Variants in MAN2B2 observed in about 807,000 individuals in gnomAD.
MAN2B2 encodes the protein mannosidase alpha class 2B member 2.
A neutral mutation model predicts 117.1 loss-of-function variants in MAN2B2; 106 were observed. The observed-to-expected ratio is 0.90, with a 90% CI of 0.77 to 1.06. The LOEUF (loss-of-function observed/expected upper bound fraction) is 1.06, where lower values mean the gene tolerates loss of function less well. Ranked by LOEUF, MAN2B2 falls within the 50% of genes least tolerant of loss-of-function variation. The pLI is 0.00. For missense variants in MAN2B2, 1,326 were observed against 1,381.4 expected (o/e 0.96, Z 0.64); for synonymous variants, 544 against 595.1 (o/e 0.91, Z 1.25).
Position 6,593,285 on chromosome 4 carries a change from G to A in MAN2B2, c.793G>A (p.Ala265Thr). ...TPANINLYAE[A>T]LVANVKQRAA... ...AGCCAACATCAACCTCTATGCCGAG[G>A]CCCTGGTGGCCAACGTGAAGCAGAG... is the stretch of plus-strand genomic sequence containing the variant. The change falls in exon 6 of 19, where the codon GCC (alanine) becomes ACC (threonine). Residue 265 changes from alanine to threonine, a missense_variant. Transcript: ENST00000285599. 2 of 1,613,982 alleles carry A rather than the reference G, an allele frequency of 1.2e-6. No individual in the cohort carries two copies. Among genetic ancestry groups the A allele is most frequent in the Non-Finnish European group, 1.7e-6 (2 of 1,179,950 alleles).
intron 16 of MAN2B2, among the ~76,000 whole-genome samples, chr4:6,616,196 C>T (rs1223880565): frequency 6.6e-6 from 1 of 152,152 alleles, no homozygotes; most frequent in Non-Finnish European, 1.5e-5. Flanking sequence ...TGAGGTTCTA[C>T]CAGCCAGGGT....
At chr4:6,599,306 A>C (rs993866441) in intron 9 of MAN2B2, among the ~76,000 whole-genome samples, 1 of 151,898 alleles carries the variant, frequency 6.6e-6, no homozygotes, top group Non-Finnish European at 1.5e-5. Context: ...GGGTCTCACC[A>C]TGTTGCCAGG....
chr4:6,616,039 G>A (rs910891332), intron 16 of MAN2B2, among the ~76,000 whole-genome samples: 2 of 152,146 alleles, frequency 1.3e-5, no homozygotes, highest in African/African-American at 2.4e-5. Flanking sequence ...CCTGACAGCA[G>A]GCAATCCGCC....
chr4:6,623,346 CAAAAA>C lies in MAN2B2; in HGVS notation c.*2073_*2077del, dbSNP rs10714839. 1 of 148,160 alleles carries C rather than the reference CAAAAA, an allele frequency of 6.7e-6. No individual in the cohort carries two copies. The highest frequency in any genetic ancestry group is 6.7e-5 in the Admixed American group (1 of 14,992). The allele number at this position is 148,160 out of a possible 1,614,324, so 9.2% of individuals were successfully genotyped here. A position where few individuals can be genotyped will look rare whatever the true frequency, so the allele number is the denominator to read the frequency against. ...GGGTGACAAGAGTGAGACTCCGTCT[CAAAAA>C]AAAAAAAAAAAGGAAGACTACGGAG... is the stretch of plus-strand genomic sequence containing the variant. On this transcript the variant is annotated 3_prime_UTR_variant, in exon 19 of 19. Coordinates refer to ENST00000285599, the MANE Select transcript of MAN2B2 (RefSeq NM_015274.3).
intron 3 of MAN2B2, among the ~76,000 whole-genome samples, chr4:6,584,029 T>C (rs1726541980): frequency 6.6e-6 from 1 of 152,238 alleles, no homozygotes; most frequent in Non-Finnish European, 1.5e-5. Context: ...CCCTGGCACC[T>C]GCATTCAATT....
intron 10 of MAN2B2, among the ~76,000 whole-genome samples, chr4:6,602,302 C>G (rs1727364654): frequency 6.6e-6 from 1 of 152,234 alleles, no homozygotes; most frequent in Admixed American, 6.5e-5. Flanking sequence ...ACATTTATTT[C>G]TCACAGTTCT....
chr4:6,587,305 T>G, intron 4 of MAN2B2, 137 bp downstream of exon 4: 1 of 1,056,816 alleles, frequency 9.5e-7, no homozygotes, highest in East Asian at 2.7e-5. Context: ...CGCGGGGCTG[T>G]CCCCTAACCT....
rs1727740538 is a variant in MAN2B2 at position 6,610,894 on chromosome 4, G to T, written c.2274G>T (p.Met758Ile). ...TCTGTCTGCAGAATTACTACCCCATGGTTCAGTCGGCCTTCATGGAGGATG... is the reference window on the plus strand; with the variant it reads ...TCTGTCTGCAGAATTACTACCCCATTGTTCAGTCGGCCTTCATGGAGGATG... ...NNSIARNYYP[M>I]VQSAFMEDGK... Residue 758 changes from methionine to isoleucine, a missense_variant, in exon 14 of 19, where the codon ATG becomes ATT. By Grantham distance (10) the Met-to-Ile change is conservative. Coordinates refer to ENST00000285599, the MANE Select transcript of MAN2B2 (RefSeq NM_015274.3). 1 of 1,614,070 alleles carries T rather than the reference G, an allele frequency of 6.2e-7. No homozygotes were observed.
chr4:6,605,836 C>T (rs1050446738), intron 11 of MAN2B2, among the ~76,000 whole-genome samples: 1 of 151,978 alleles, frequency 6.6e-6, no homozygotes, highest in Non-Finnish European at 1.5e-5. Context: ...ACCTACCCAC[C>T]CATTCATCAT....
rs149674807 is a variant in MAN2B2 at position 6,594,580 on chromosome 4, T to A, written c.905T>A (p.Met302Lys). 1,061 of 1,613,746 alleles carry A rather than the reference T, an allele frequency of 6.6e-4. No homozygotes were observed. Among genetic ancestry groups the A allele is most frequent in the Non-Finnish European group, 8.4e-4 (986 of 1,180,022 alleles). Reference protein sequence around the residue: ...FFNASVQFANMDPLLDHINSH... With the variant: ...FFNASVQFANKDPLLDHINSH... ...AATGCCTCGGTGCAGTTTGCCAACATGGACCCGCTGCTGGACCACATCAAC... is the reference window on the plus strand; with the variant it reads ...AATGCCTCGGTGCAGTTTGCCAACAAGGACCCGCTGCTGGACCACATCAAC... Residue 302 changes from methionine to lysine, a missense_variant, in exon 7 of 19, where the codon ATG becomes AAG. By Grantham distance (95) the Met-to-Lys change is moderately conservative. Transcript: ENST00000285599.
intron 4 of MAN2B2, among the ~76,000 whole-genome samples, chr4:6,588,752 T>C (rs527633566): frequency 6.6e-6 from 1 of 152,154 alleles, no homozygotes; most frequent in African/African-American, 2.4e-5. Flanking sequence ...TGGTGAGAAG[T>C]AATGAGCTTC....
In MAN2B2 at chr4:6,604,418, A is replaced by C. The variant is rs1727450061; in HGVS notation, c.1540-637A>C. 4.2e-5 allele frequency among the ~76,000 whole-genome samples: 2 copies of C among 47,700 alleles called. 1 individual carries two copies. The highest frequency in any genetic ancestry group is 1.5e-3 in the South Asian group (2 of 1,318). 31.3% of individuals were successfully genotyped at this position (47,700 alleles called of 152,430 possible). The stretch of plus-strand genomic sequence containing the variant: ...GGAAGGGAGATGAAAGGCCTCAAGA[A>C]GGCGGTGGGGGGCCTTGGTGGTGGG... On this transcript the variant is annotated intron_variant, in intron 10 of 18. Transcript: ENST00000285599.
chr4:6,593,980 G>A (rs976527529), intron 6 of MAN2B2, among the ~76,000 whole-genome samples: 5 of 152,142 alleles, frequency 3.3e-5, no homozygotes, highest in Non-Finnish European at 7.3e-5. Context: ...CCAGTCAGGC[G>A]GGCCCCAGAG....
intron 3 of MAN2B2, among the ~76,000 whole-genome samples, chr4:6,579,321 A>T (rs1726306113): frequency 1.2e-5 from 1 of 80,686 alleles, no homozygotes; most frequent in Non-Finnish European, 2.6e-5. Context: ...CACCACCATC[A>T]CCACCACCAC....
rs897917177 is a variant in MAN2B2, at chr4:6,600,608, C to A, written c.1406-15C>A. 1.9e-6 allele frequency: 3 copies of A among 1,613,246 alleles called. No homozygotes were observed. In the African/African-American group the frequency reaches 4.0e-5, roughly 22 times the overall value. On this transcript the variant is annotated splice_polypyrimidine_tract_variant and intron_variant, in intron 9 of 18. Coordinates refer to ENST00000285599, the MANE Select transcript of MAN2B2 (RefSeq NM_015274.3). ...GAGTCACATGGCACAAGCAAAGCCTCTTCTCTGTGTGCAGATGCAGGACCT... is the reference window on the plus strand; with the variant it reads ...GAGTCACATGGCACAAGCAAAGCCTATTCTCTGTGTGCAGATGCAGGACCT...
At position 6,576,592 on chromosome 4, in the gene MAN2B2, G is replaced by A. The variant is rs554913907; in HGVS notation, c.153G>A (p.Ala51=). 6.1e-5 allele frequency: 98 copies of A among 1,613,110 alleles called. 1 individual carries two copies. In the East Asian group the frequency reaches 1.3e-3, roughly 21 times the overall value. The change falls in exon 2 of 19, where the codon GCG becomes GCA. Residue 51 remains alanine, a synonymous_variant. Coordinates refer to ENST00000285599, the MANE Select transcript of MAN2B2 (RefSeq NM_015274.3). ...WVYTVQESMR[A]YAANVYTSVV... is the part of the protein sequence containing the mutation. ...CCCCTCCCCAGGAAAGCATGCGGGC[G>A]TACGCCGCCAATGTCTACACCTCAG...
chr4:6,579,186 TCACCAG>T (rs1577269735), intron 3 of MAN2B2, among the ~76,000 whole-genome samples: 15 of 22,192 alleles, frequency 6.8e-4, no homozygotes, highest in Admixed American at 1.1e-3. Flanking sequence ...ACCATCACCA[TCACCAG>T]CACCACCACC....
At chr4:6,617,667 G>A (rs1387930377) in intron 17 of MAN2B2, 175 bp downstream of exon 17, 4 of 1,325,706 alleles carry the variant, frequency 3.0e-6, no homozygotes, top group Admixed American at 5.5e-5. Flanking sequence ...ATTACAACTG[G>A]CCTGGTTTTT....
chr4:6,594,707 C>T lies in MAN2B2; in HGVS notation c.1032C>T (p.His344=). The T allele has an allele frequency of 6.2e-7, 1 of 1,612,116 alleles. No homozygotes were observed. The highest frequency in any genetic ancestry group is 8.5e-7 in the Non-Finnish European group (1 of 1,179,866). Residue 344 remains histidine (H), a synonymous_variant, in exon 7 of 19, where the codon CAC becomes CAT. Transcript: ENST00000285599. ...ALNVTWRVRD[H]HDFLPYSTEP... The stretch of plus-strand genomic sequence containing the variant: ...ATGTCACCTGGCGTGTCCGCGACCA[C>T]CACGACTTCCTGCCCTATTCCACAG...
Sources: allele counts gnomAD v4.1 joint callset (sites outside exome capture counted in the v4.1 genomes callset), GRCh38; gene constraint gnomAD v4.1.1; transcripts MANE v1.5; gene names NCBI Gene and HGNC (gene_info 2026-07-23, HGNC 2026-07-21).